The following GRM8 variants were observed in gnomAD, a reference collection of about 807,000 sequenced individuals.
The protein encoded by GRM8 is glutamate metabotropic receptor 8.
A neutral mutation model predicts 87.2 loss-of-function variants in GRM8; 47 were observed. That is an observed-to-expected ratio of 0.54 (90% CI 0.43 to 0.69). The LOEUF is 0.69. GRM8 is among the 30% of genes least tolerant of loss of function. The pLI is 0.00. For missense variants in GRM8, 1,019 were observed against 1,139.2 expected, an observed-to-expected ratio of 0.89 and a Z score of 1.52; for synonymous variants, 396 against 404.5, an observed-to-expected ratio of 0.98 and a Z score of 0.25.
intron 3 of GRM8, among the ~76,000 whole-genome samples, chr7:126,929,912 G>C (rs571372522): frequency 2.2e-5 from 3 of 134,882 alleles, no homozygotes; most frequent in African/African-American, 8.6e-5. Context: ...GGACCTAAGG[G>C]ACAAATTCCC....
chr7:127,249,933 G>A (rs1405863166), intron 1 of GRM8, among the ~76,000 whole-genome samples: 7 of 152,184 alleles, frequency 4.6e-5, no homozygotes, highest in Non-Finnish European at 1.0e-4. Context: ...CAGGAAGAGA[G>A]AAATTCAAGC....
intron 6 of GRM8, among the ~76,000 whole-genome samples, chr7:126,876,247 A>T (rs1402219444): frequency 1.3e-5 from 2 of 152,168 alleles, no homozygotes; most frequent in African/African-American, 4.8e-5. Flanking sequence ...GTGGCCTAGT[A>T]TCTGAATGTC....
intron 3 of GRM8, among the ~76,000 whole-genome samples, chr7:126,921,769 G>A (rs1563318946): frequency 6.6e-6 from 1 of 151,986 alleles, no homozygotes; most frequent in Admixed American, 6.6e-5. Flanking sequence ...AAAATATGAA[G>A]AAAACTCAAA....
At chr7:126,937,705 A>C (rs987534187) in intron 3 of GRM8, among the ~76,000 whole-genome samples, 1 of 152,204 alleles carries the variant, frequency 6.6e-6, no homozygotes, top group Non-Finnish European at 1.5e-5. Context: ...TACTGACTAG[A>C]TTATGCTGTT....
intron 6 of GRM8, among the ~76,000 whole-genome samples, chr7:126,800,400 C>A (rs913437167): frequency 6.6e-6 from 1 of 152,108 alleles, no homozygotes; most frequent in South Asian, 2.1e-4. Flanking sequence ...ACTTTCCCCC[C>A]ATTTTTCCCA....
chr7:126,446,421 G>C (rs1209106802), intron 9 of GRM8, 49 bp from the exon 10 acceptor site: 1 of 1,240,552 alleles, frequency 8.1e-7, no homozygotes, highest in South Asian at 1.4e-5. Flanking sequence ...CTAACAGTAG[G>C]AGATAAAGCA....
At chr7:127,153,472 G>A (rs1460953620) in intron 2 of GRM8, among the ~76,000 whole-genome samples, 3 of 152,130 alleles carry the variant, frequency 2.0e-5, no homozygotes, top group African/African-American at 7.2e-5. Flanking sequence ...AAGTTGTGAT[G>A]GTATGGGTCA....
intron 8 of GRM8, among the ~76,000 whole-genome samples, chr7:126,587,017 G>A (rs1353385165): frequency 6.6e-6 from 1 of 152,102 alleles, no homozygotes; most frequent in Non-Finnish European, 1.5e-5. Flanking sequence ...CTGGGTGAAG[G>A]ATATGAACAG....
At chr7:126,539,085 G>GT (rs1816218559) in intron 8 of GRM8, among the ~76,000 whole-genome samples, 2 of 151,740 alleles carry the variant, frequency 1.3e-5, no homozygotes, top group African/African-American at 4.8e-5. Flanking sequence ...CTGAAATCCT[G>GT]TTTTTTTGTG....
intron 3 of GRM8, among the ~76,000 whole-genome samples, chr7:127,062,085 A>G (rs2132595492): frequency 6.6e-6 from 1 of 151,682 alleles, no homozygotes; most frequent in East Asian, 2.0e-4. Context: ...CAGAGGTTGC[A>G]GTGAGCCGAT....
intron 7 of GRM8, among the ~76,000 whole-genome samples, chr7:126,702,482 A>G (rs543694133): frequency 1.4e-3 from 208 of 152,294 alleles, no homozygotes; most frequent in Admixed American, 2.5e-3. Flanking sequence ...TCAGAACTAA[A>G]CTGTAGAAGG....
intron 6 of GRM8, among the ~76,000 whole-genome samples, chr7:126,797,484 A>G (rs1822088099): frequency 6.6e-6 from 1 of 152,026 alleles, no homozygotes; most frequent in African/African-American, 2.4e-5. Context: ...CATATTTTGG[A>G]TTTCTCTAAA....
chr7:126,792,667 T>C (rs1232000348), intron 6 of GRM8, among the ~76,000 whole-genome samples: 1 of 152,196 alleles, frequency 6.6e-6, no homozygotes, highest in African/African-American at 2.4e-5. Flanking sequence ...AATAAAGCCA[T>C]TGTTTTTCCA....
At chr7:126,995,218 C>T (rs536553257) in intron 3 of GRM8, among the ~76,000 whole-genome samples, 106 of 152,170 alleles carry the variant, frequency 7.0e-4, no homozygotes, top group African/African-American at 2.4e-3. Context: ...GAAAGCCTTC[C>T]CAAGAAGAAT....
At chr7:126,962,618 C>G (rs949273515) in intron 3 of GRM8, among the ~76,000 whole-genome samples, 5 of 152,196 alleles carry the variant, frequency 3.3e-5, no homozygotes, top group African/African-American at 1.2e-4. Context: ...TTTATAGATA[C>G]TGTGCCTTTT....
At chr7:126,939,926 T>C (rs912360035) in intron 3 of GRM8, among the ~76,000 whole-genome samples, 17 of 152,346 alleles carry the variant, frequency 1.1e-4, no homozygotes, top group African/African-American at 4.1e-4. Context: ...TGTCATCCAG[T>C]ATCCTCCAAA....
At chr7:126,518,933 T>C (rs1812567415) in intron 9 of GRM8, among the ~76,000 whole-genome samples, 2 of 152,114 alleles carry the variant, frequency 1.3e-5, no homozygotes, top group Admixed American at 1.3e-4. Context: ...GATATGTTAA[T>C]GAGAAAAGAA....
At chr7:127,072,887 T>C (rs1171824815) in intron 3 of GRM8, among the ~76,000 whole-genome samples, 1 of 152,158 alleles carries the variant, frequency 6.6e-6, no homozygotes, top group East Asian at 1.9e-4. Flanking sequence ...GTTCACTTTT[T>C]TTTATTTTGA....
intron 8 of GRM8, among the ~76,000 whole-genome samples, chr7:126,565,587 G>C (rs1475922535): frequency 2.0e-5 from 3 of 151,972 alleles, no homozygotes; most frequent in Non-Finnish European, 2.9e-5. Flanking sequence ...TGGATTAGAA[G>C]GCTTAATATT....
Sources: gnomAD v4.1 joint callset for allele counts (sites outside exome capture counted in the v4.1 genomes callset) on GRCh38, gnomAD v4.1.1 for gene constraint, MANE v1.5 for transcripts, NCBI Gene and HGNC (gene_info 2026-07-23, HGNC 2026-07-21) for gene names.